The following IQCH variants were observed in gnomAD, a reference collection of about 807,000 sequenced individuals.
IQCH encodes IQ domain-containing protein H.
In IQCH, 98 loss-of-function variants were observed where a neutral mutation model predicts 117.0. The observed-to-expected ratio is 0.84, with a 90% CI of 0.71 to 0.99. The LOEUF (loss-of-function observed/expected upper bound fraction) is 0.99, where lower values mean the gene tolerates loss of function less well. Ranked by LOEUF, IQCH falls within the 50% of genes least tolerant of loss-of-function variation. The pLI is 0.00. For synonymous variants in IQCH, 412 were observed against 448.2 expected (o/e 0.92, Z 1.02); for missense variants, 1,102 against 1,243.8 (o/e 0.89, Z 1.72).
At position 67,453,663 on chromosome 15, in the gene IQCH, TCAG is replaced by T. The variant is rs1291127355; in HGVS notation, c.2506-11463_2506-11461del. Among the ~76,000 whole-genome samples, 1 of 152,216 alleles carries T rather than the reference TCAG, an allele frequency of 6.6e-6. No homozygotes were observed. ...GGGGGGTGCCTCCCAGTTAGGCTAC[TCAG>T]GGGTCAGGGACCCACTTGAGGAGGC... is the stretch of plus-strand genomic sequence containing the variant. On this transcript the variant is annotated intron_variant, in intron 16 of 20. Transcript: ENST00000335894. This position sits in a 1 kb window ranked among gnomAD's most constrained non-coding sequence, Gnocchi z 5.8.
intron 14 of IQCH, among the ~76,000 whole-genome samples, 189 bp downstream of exon 14, chr15:67,400,494 T>TTC (rs1555481911): frequency 7.6e-6 from 1 of 131,494 alleles, no homozygotes; most frequent in East Asian, 2.1e-4. Flanking sequence ...TTTTTTTCTT[T>TTC]TTTTTTTTGA....
At chr15:67,414,661 A>T (rs911994574) in intron 14 of IQCH, among the ~76,000 whole-genome samples, 46 of 146,436 alleles carry the variant, frequency 3.1e-4, no homozygotes, top group East Asian at 1.4e-3. Context: ...CACCAAAAAA[A>T]AAATATATAT....
intron 4 of IQCH, among the ~76,000 whole-genome samples, chr15:67,305,919 T>A (rs1049825740): frequency 1.3e-5 from 2 of 152,076 alleles, no homozygotes; most frequent in African/African-American, 4.8e-5. Context: ...TCTACATACT[T>A]TGAGCAAAGA....
intron 3 of IQCH, among the ~76,000 whole-genome samples, 179 bp from the exon 4 acceptor site, chr15:67,279,215 TA>T (rs1270003740): frequency 6.6e-6 from 1 of 152,228 alleles, no homozygotes; most frequent in Non-Finnish European, 1.5e-5. Context: ...TTATGCTTAA[TA>T]AAACAACTGC....
chr15:67,274,718 T>C (rs1966049281), intron 3 of IQCH, among the ~76,000 whole-genome samples: 1 of 152,220 alleles, frequency 6.6e-6, no homozygotes, highest in African/African-American at 2.4e-5. Context: ...TTGATGTGCC[T>C]GTATGTCTGT....
chr15:67,340,244 A>G lies in IQCH; in HGVS notation c.508+3149A>G, dbSNP rs534467423. Among the ~76,000 whole-genome samples, 252 of 152,146 alleles carry G rather than the reference A, an allele frequency of 1.7e-3. 1 individual carries two copies. The highest frequency in any genetic ancestry group is 5.7e-3 in the African/African-American group (235 of 41,508). The stretch of plus-strand genomic sequence containing the variant: ...GGAGTTCAAAACCAGCCTGGCCAAC[A>G]TGGCAAAACCTCATCTCTACTAAAA... On this transcript the variant is annotated intron_variant, in intron 5 of 20. Coordinates refer to ENST00000335894, the MANE Select transcript of IQCH (RefSeq NM_001031715.3).
chr15:67,325,966 A>ATCTTT lies in IQCH; in HGVS notation c.388-11007_388-11003dup, dbSNP rs202009041. Among the ~76,000 whole-genome samples, 201 of 152,236 alleles carry ATCTTT rather than the reference A, an allele frequency of 1.3e-3. 5 individuals are homozygous for ATCTTT. The highest frequency in any genetic ancestry group is 0.012 in the East Asian group (62 of 5,192). ...TAGAAATAGGAGGTTGTTTACATTA[A>ATCTTT]TCTTTTTTTTATTATTACACTTTAA... On this transcript the variant is annotated intron_variant, in intron 4 of 20. Transcript: ENST00000335894.
At chr15:67,272,901 T>C (rs145087830) in intron 3 of IQCH, among the ~76,000 whole-genome samples, 1 of 152,298 alleles carries the variant, frequency 6.6e-6, no homozygotes, top group East Asian at 1.9e-4. Flanking sequence ...GAGAACTAAA[T>C]CCATTTACAT....
chr15:67,469,391 T>C (rs2083014676), intron 17 of IQCH, among the ~76,000 whole-genome samples: 1 of 152,210 alleles, frequency 6.6e-6, no homozygotes, highest in Admixed American at 6.5e-5. Context: ...CCTCATGTGT[T>C]GCGGATGGCT....
intron 6 of IQCH, among the ~76,000 whole-genome samples, chr15:67,351,878 T>A (rs769389867): frequency 6.6e-6 from 1 of 152,186 alleles, no homozygotes; most frequent in African/African-American, 2.4e-5. Context: ...AGTCTGTCTT[T>A]TATAAATAGT....
intron 4 of IQCH, among the ~76,000 whole-genome samples, chr15:67,326,596 G>A (rs77556036): frequency 6.6e-6 from 1 of 152,090 alleles, no homozygotes; most frequent in Non-Finnish European, 1.5e-5. Flanking sequence ...GTGTAAGGGT[G>A]TTCCTATTTC....
intron 16 of IQCH, among the ~76,000 whole-genome samples, chr15:67,442,740 AGCAGCACAATTCACAATT>A (rs2082301513): frequency 1.3e-5 from 2 of 152,146 alleles, no homozygotes; most frequent in Admixed American, 1.3e-4. Flanking sequence ...GCATATTTAT[AGCAGCACAATTCACAATT>A]GCAAAATCAT....
At chr15:67,389,460 C>T (rs1176189481) in intron 12 of IQCH, among the ~76,000 whole-genome samples, 1 of 151,980 alleles carries the variant, frequency 6.6e-6, no homozygotes, top group East Asian at 1.9e-4. Flanking sequence ...CAGATGGTTC[C>T]TAATGAACAA....
chr15:67,409,426 T>C (rs1201299243), intron 14 of IQCH, among the ~76,000 whole-genome samples: 1 of 152,184 alleles, frequency 6.6e-6, no homozygotes, highest in African/African-American at 2.4e-5. Context: ...TGAACCTCTC[T>C]AGTGTTTGTG....
Position 67,369,618 on chromosome 15 carries a change from A to C in IQCH, c.754-2493A>C, listed in dbSNP as rs113270197. 2.1e-3 allele frequency among the ~76,000 whole-genome samples: 320 copies of C among 152,242 alleles called. 1 individual carries two copies. The highest frequency in any genetic ancestry group is 7.5e-3 in the African/African-American group (310 of 41,538). On this transcript the variant is annotated intron_variant, in intron 8 of 20. Coordinates refer to ENST00000335894, the MANE Select transcript of IQCH (RefSeq NM_001031715.3). The surrounding 1 kb of genome is among the most constrained non-coding windows in gnomAD (Gnocchi z 5.2). Reference sequence around the variant, plus strand: ...AAAAAGAAGGAAAGAAAGAAGAAAGAAAGCCAACAAATAATAGTAGATAAG... The same window carrying C: ...AAAAAGAAGGAAAGAAAGAAGAAAGCAAGCCAACAAATAATAGTAGATAAG...
At chr15:67,418,577 CTTTTT>C (rs1174414517) in intron 15 of IQCH, among the ~76,000 whole-genome samples, 2 of 103,400 alleles carry the variant, frequency 1.9e-5, no homozygotes, top group African/African-American at 3.7e-5. Flanking sequence ...GGTGTTTTTA[CTTTTT>C]TTTTTTTTTT....
rs898642837 is a variant in IQCH, at chr15:67,405,177, G to A, written c.2097+4872G>A. On this transcript the variant is annotated intron_variant, in intron 14 of 20. Coordinates refer to ENST00000335894, the MANE Select transcript of IQCH (RefSeq NM_001031715.3). This position sits in a 1 kb window ranked among gnomAD's most constrained non-coding sequence, Gnocchi z 4.8. ...TTATTTTTTAATCTAGATTTTCTAG[G>A]TTAAGAAAAAATCTAGGTTATTATT... is the stretch of plus-strand genomic sequence containing the variant. The A allele has an allele frequency of 2.6e-5, 4 of 151,778 alleles. No individual in the cohort carries two copies. The highest frequency in any genetic ancestry group is 4.4e-5 in the Non-Finnish European group (3 of 67,946). 9.4% of individuals were successfully genotyped at this position (151,778 alleles called of 1,614,324 possible).
intron 20 of IQCH, among the ~76,000 whole-genome samples, chr15:67,495,189 C>A (rs1295404567): frequency 6.6e-6 from 1 of 152,120 alleles, no homozygotes; most frequent in Non-Finnish European, 1.5e-5. Flanking sequence ...ATTTTTGATT[C>A]AAGCTAGGGC....
intron 16 of IQCH, among the ~76,000 whole-genome samples, chr15:67,464,250 T>C (rs1697522579): frequency 1.3e-5 from 2 of 152,114 alleles, no homozygotes; most frequent in Admixed American, 1.3e-4. Flanking sequence ...CTGGATTCAG[T>C]GTGGGGATGG....
Sources: allele counts gnomAD v4.1 joint callset (sites outside exome capture counted in the v4.1 genomes callset), GRCh38; gene constraint gnomAD v4.1.1; non-coding constraint Gnocchi (gnomAD v3.1); transcripts MANE v1.5; gene names NCBI Gene and HGNC (gene_info 2026-07-23, HGNC 2026-07-21).